TSC2: variants seen among roughly 807,000 people sequenced by gnomAD.
The protein encoded by TSC2 is tuberin.
In TSC2, 29 loss-of-function variants were observed where a neutral mutation model predicts 202.2. The ratio of observed to expected loss-of-function variants is 0.14; its 90% CI spans 0.11 to 0.20. The LOEUF (loss-of-function observed/expected upper bound fraction) is 0.20. Ranked by LOEUF, TSC2 falls within the 10% of genes least tolerant of loss-of-function variation. The probability of loss-of-function intolerance (pLI) is 1.00; values close to 1 mark genes in which losing one functional copy is unlikely to be tolerated. For synonymous variants in TSC2, 1,349 were observed against 1,044.0 expected, an observed-to-expected ratio of 1.29 and a Z score of -5.63; for missense variants, 2,429 against 2,420.0, an observed-to-expected ratio of 1.00 and a Z score of -0.08.
At chr16:2,080,779 C>T (rs1328485631) in intron 30 of TSC2, 6 of 227,672 alleles carry the variant, frequency 2.6e-5, no homozygotes, top group East Asian at 2.2e-4. Context: ...CCACCGCGCC[C>T]AGCCATTTGG....
intron 35 of TSC2, 35 bp from the exon 36 acceptor site, chr16:2,085,195 C>T (rs563021361): frequency 1.4e-5 from 22 of 1,611,912 alleles, no homozygotes; most frequent in African/African-American, 6.7e-5. Flanking sequence ...TGTGGACGGG[C>T]GTCTGGGGCT....
Position 2,071,000 on chromosome 16 carries a change from A to ATGGGCAGAACAGGGC in TSC2, c.1839+426_1839+440dup, listed in dbSNP as rs372618020. Among the ~76,000 whole-genome samples the ATGGGCAGAACAGGGC allele has an allele frequency of 4.5e-3, 684 of 151,726 alleles. 3 individuals carry two copies. Among genetic ancestry groups the ATGGGCAGAACAGGGC allele is most frequent in the African/African-American group, 0.016 (658 of 41,246 alleles). On this transcript the variant is annotated intron_variant, in intron 17 of 41. Coordinates refer to ENST00000219476, the MANE Select transcript of TSC2 (RefSeq NM_000548.5). ...GCAGAGCTGAGAGGGCAGGGCAGGGATGGGCAGAACAGGGCTGGAGGAGTT... is the reference window on the plus strand; with the variant it reads ...GCAGAGCTGAGAGGGCAGGGCAGGGATGGGCAGAACAGGGCTGGGCAGAACAGGGCTGGAGGAGTT...
intron 16 of TSC2, chr16:2,068,748 C>T (rs1316450075): frequency 1.3e-5 from 2 of 151,656 alleles, no homozygotes; most frequent in East Asian, 1.9e-4. Flanking sequence ...TGGTGCGCAC[C>T]TGTAATCCCA....
chr16:2,065,454 G>A lies in TSC2; in HGVS notation c.1600-65G>A. 3 of 828,472 alleles carry A rather than the reference G, an allele frequency of 3.6e-6. No homozygotes were observed. In the East Asian group the frequency reaches 8.9e-5, roughly 25 times the overall value. 51.3% of individuals were successfully genotyped at this position (828,472 alleles called of 1,614,324 possible). On this transcript the variant is annotated intron_variant, in intron 15 of 41. Coordinates refer to ENST00000219476, the MANE Select transcript of TSC2 (RefSeq NM_000548.5). ...AAAAAAAAGGTGTTTGTGGTAGAAA[G>A]TGTTCTCACGGCTGCTGACTCAGAA...
chr16:2,061,202 A>G (rs527801033), intron 11 of TSC2: 3 of 342,754 alleles, frequency 8.8e-6, no homozygotes, highest in South Asian at 7.4e-5. Context: ...CACAGCTTTA[A>G]GGAGGACTCC....
intron 7 of TSC2, 67 bp from the exon 8 acceptor site, chr16:2,056,577 C>T (rs1013400296): frequency 2.1e-5 from 34 of 1,589,546 alleles, no homozygotes; most frequent in African/African-American, 1.3e-5. Context: ...GGAAGGAAGC[C>T]TGGGTGTCCT....
In TSC2 at chr16:2,050,488, T is replaced by C. The variant is rs397515105; in HGVS notation, c.225+2T>C. ...GCAAAAACCAAGAAATTTGAAGAGGTAGGTTTATCCAGTTGAGCTACTAGA... is the reference window on the plus strand; with the variant it reads ...GCAAAAACCAAGAAATTTGAAGAGGCAGGTTTATCCAGTTGAGCTACTAGA... On this transcript the variant is annotated splice_donor_variant, in intron 3 of 41. Transcript: ENST00000219476. LOFTEE classifies it high-confidence loss of function. 1 of 1,613,348 alleles carries C rather than the reference T, an allele frequency of 6.2e-7. No individual in the cohort carries two copies. Among genetic ancestry groups the C allele is most frequent in the South Asian group, 1.1e-5 (1 of 91,060 alleles).
chr16:2,076,599 G>A lies in TSC2; in HGVS notation c.2837+14G>A. 1 of 1,612,702 alleles carries A rather than the reference G, an allele frequency of 6.2e-7. No individual in the cohort carries two copies. The highest frequency in any genetic ancestry group is 1.7e-4 in the Middle Eastern group (1 of 6,060). The stretch of plus-strand genomic sequence containing the variant: ...GAGACCCAAGAGGTACGGCCTGCGG[G>A]GGTGTGCCTGGAGTCGGTGTGGGGT... On this transcript the variant is annotated intron_variant, in intron 25 of 41. Coordinates refer to ENST00000219476, the MANE Select transcript of TSC2 (RefSeq NM_000548.5).
chr16:2,087,209 G>C, intron 38 of TSC2: 2 of 417,806 alleles, frequency 4.8e-6, no homozygotes, highest in Non-Finnish European at 4.5e-6. Context: ...AGGCTGCTCA[G>C]TTGGTTATCG....
At position 2,083,800 on chromosome 16, in the gene TSC2, C is replaced by T. The variant is rs397515209; in HGVS notation, c.3989C>T (p.Thr1330Met). The stretch of plus-strand genomic sequence containing the variant: ...GCAGCGCTAGGCATGGACAGGCGCA[C>T]GGATGCCTACAGCAGGGTGAGTGTG... Reference protein sequence around the residue: ...VEAALGMDRRTDAYSRSSSVS... With the variant: ...VEAALGMDRRMDAYSRSSSVS... Residue 1330 changes from threonine to methionine, a missense_variant, in exon 33 of 42, where the codon ACG becomes ATG. Thr to Met is a moderately conservative substitution (Grantham distance 81). Transcript: ENST00000219476. 2.3e-5 allele frequency: 37 copies of T among 1,611,278 alleles called. No homozygotes were observed. In the East Asian group the frequency reaches 2.5e-4, roughly 11 times the overall value.
intron 17 of TSC2, chr16:2,071,250 C>G: frequency 1.8e-6 from 1 of 564,184 alleles, no homozygotes. Flanking sequence ...CCCTTCCATC[C>G]CAGGCGGGCC....
intron 17 of TSC2, 63 bp from the exon 18 acceptor site, chr16:2,071,447 G>A: frequency 6.3e-7 from 1 of 1,585,292 alleles, no homozygotes; most frequent in Non-Finnish European, 8.6e-7. Context: ...GAGCAGGTGG[G>A]ACGCCGCCTG....
chr16:2,064,096 G>T lies in TSC2; in HGVS notation c.1444-176G>T, dbSNP rs1489966005. 3 of 1,011,128 alleles carry T rather than the reference G, an allele frequency of 3.0e-6. No individual in the cohort carries two copies. In the Admixed American group the frequency reaches 5.4e-5, roughly 18 times the overall value. The allele number at this position is 1,011,128 out of a possible 1,614,324, so 62.6% of individuals were successfully genotyped here. A position where few individuals can be genotyped will look rare whatever the true frequency, so the allele number is the denominator to read the frequency against. Reference sequence around the variant, plus strand: ...GAGGAGCTGGACAGGATCCCTGGAAGGGGCCCCGGGGTCTCTGAGTCGCGC... The same window carrying T: ...GAGGAGCTGGACAGGATCCCTGGAATGGGCCCCGGGGTCTCTGAGTCGCGC... On this transcript the variant is annotated intron_variant, in intron 14 of 41. Transcript: ENST00000219476.
rs954632565 is a variant in TSC2, at chr16:2,062,143, G to T, written c.1257+135G>T. The T allele has an allele frequency of 4.6e-6, 6 of 1,308,268 alleles. No individual in the cohort carries two copies. In the African/African-American group the frequency reaches 7.3e-5, roughly 16 times the overall value. 81.0% of individuals were successfully genotyped at this position (1,308,268 alleles called of 1,614,324 possible). On this transcript the variant is annotated intron_variant, in intron 12 of 41. Coordinates refer to ENST00000219476, the MANE Select transcript of TSC2 (RefSeq NM_000548.5). ...CCTGCTTTCCAGGTTTCTGCACTCGGCAGGGAAGGCTGGCAGGCACAGCAC... is the reference window on the plus strand; with the variant it reads ...CCTGCTTTCCAGGTTTCTGCACTCGTCAGGGAAGGCTGGCAGGCACAGCAC...
intron 17 of TSC2, 73 bp downstream of exon 17, chr16:2,070,651 CCTGGA>C (rs2151284160): frequency 6.2e-7 from 1 of 1,606,834 alleles, no homozygotes; most frequent in East Asian, 2.2e-5. Flanking sequence ...AGGTGTGGTT[CCTGGA>C]AGCTGCAGAG....
chr16:2,070,796 C>G (rs922436863), intron 17 of TSC2, among the ~76,000 whole-genome samples: 1 of 152,212 alleles, frequency 6.6e-6, no homozygotes, highest in Non-Finnish European at 1.5e-5. Context: ...CTAAGCCGCA[C>G]GGTGACATGG....
chr16:2,072,746 G>A, intron 20 of TSC2, 103 bp from the exon 21 acceptor site: 1 of 1,588,522 alleles, frequency 6.3e-7, no homozygotes, highest in Non-Finnish European at 8.6e-7. Context: ...CAGCCCCTTT[G>A]CCCCCTTTCC....
At position 2,052,737 on chromosome 16, in the gene TSC2, G is replaced by A. The variant is rs531039293; in HGVS notation, c.226-605G>A. 2.6e-5 allele frequency among the ~76,000 whole-genome samples: 4 copies of A among 152,322 alleles called. No homozygotes were observed. The East Asian group carries it at 5.8e-4, about 22-fold the overall frequency. On this transcript the variant is annotated intron_variant, in intron 3 of 41. Coordinates refer to ENST00000219476, the MANE Select transcript of TSC2 (RefSeq NM_000548.5). ...GTGAGAGCCAGCCCAAACCCCTGCC[G>A]AGTGAGACTGATTCTGGCAGCTTTA...
chr16:2,060,076 G>C (rs1487021949), intron 10 of TSC2, among the ~76,000 whole-genome samples: 1 of 152,234 alleles, frequency 6.6e-6, no homozygotes, highest in Admixed American at 6.5e-5. Flanking sequence ...TGGCGGCTCT[G>C]TTTTGTCAAG....
Sources: gnomAD v4.1 joint callset for allele counts (sites outside exome capture counted in the v4.1 genomes callset) on GRCh38, gnomAD v4.1.1 for gene constraint, MANE v1.5 for transcripts, NCBI Gene and HGNC (gene_info 2026-07-23, HGNC 2026-07-21) for gene names.